Variants in LRRC7 observed in about 807,000 individuals in gnomAD.
The protein encoded by LRRC7 is leucine rich repeat containing 7.
A neutral mutation model predicts 175.7 loss-of-function variants in LRRC7; 23 were observed. The observed-to-expected ratio is 0.13, with a 90% CI of 0.09 to 0.19. The LOEUF is 0.19. Ranked by LOEUF, LRRC7 falls within the 10% of genes least tolerant of loss-of-function variation. LRRC7 has a pLI of 1.00. For synonymous variants in LRRC7, 685 were observed against 680.9 expected, an observed-to-expected ratio of 1.01 and a Z score of -0.09; for missense variants, 1,354 against 1,904.7, an observed-to-expected ratio of 0.71 and a Z score of 5.38.
intron 1 of LRRC7, among the ~76,000 whole-genome samples, chr1:69,619,514 T>C (rs1053234302): frequency 4.6e-5 from 7 of 152,156 alleles, no homozygotes; most frequent in African/African-American, 1.4e-4. Flanking sequence ...AAGGAAAAGC[T>C]CTTGAAAAGT....
At chr1:70,085,545 C>T (rs1325556505) in intron 24 of LRRC7, among the ~76,000 whole-genome samples, 1 of 152,056 alleles carries the variant, frequency 6.6e-6, no homozygotes, top group African/African-American at 2.4e-5. Flanking sequence ...TTGCTGTCCC[C>T]TTTGCTTGGG....
intron 8 of LRRC7, among the ~76,000 whole-genome samples, chr1:69,955,830 A>G (rs1221797476): frequency 1.3e-5 from 2 of 152,000 alleles, no homozygotes; most frequent in Admixed American, 6.6e-5. Flanking sequence ...AATAAATATT[A>G]TAATTTTACT....
At chr1:69,945,804 AT>A (rs1406403543) in intron 8 of LRRC7, among the ~76,000 whole-genome samples, 1 of 152,092 alleles carries the variant, frequency 6.6e-6, no homozygotes, top group Admixed American at 6.6e-5. Flanking sequence ...ATTTTTCTGT[AT>A]AAAAACTCTA....
At chr1:69,608,568 AAG>A (rs1255661391) in intron 1 of LRRC7, among the ~76,000 whole-genome samples, 1 of 152,074 alleles carries the variant, frequency 6.6e-6, no homozygotes, top group Non-Finnish European at 1.5e-5. Context: ...CTTAACAAAA[AAG>A]TACCACAGAC....
chr1:69,647,333 G>A (rs1655147285), intron 1 of LRRC7, among the ~76,000 whole-genome samples: 1 of 152,122 alleles, frequency 6.6e-6, no homozygotes, highest in Non-Finnish European at 1.5e-5. Flanking sequence ...ACAAAAGAAT[G>A]TCTAATTTTC....
At chr1:69,731,505 G>A (rs536299066) in intron 2 of LRRC7, among the ~76,000 whole-genome samples, 1 of 152,294 alleles carries the variant, frequency 6.6e-6, no homozygotes, top group Admixed American at 6.5e-5. Flanking sequence ...CCAAAATGTG[G>A]AAGAAACACA....
intron 8 of LRRC7, among the ~76,000 whole-genome samples, chr1:69,953,688 T>G (rs1207967183): frequency 1.3e-5 from 2 of 152,056 alleles, no homozygotes; most frequent in African/African-American, 4.8e-5. Context: ...ATTAACCAAC[T>G]GCACTAACTA....
chr1:69,819,615 G>GTT (rs1679032914), intron 4 of LRRC7, among the ~76,000 whole-genome samples: 1 of 141,112 alleles, frequency 7.1e-6, no homozygotes, highest in Non-Finnish European at 1.5e-5. Flanking sequence ...GTGTGTGTGT[G>GTT]TATCTGCATA....
chr1:69,736,872 T>C (rs757579095), intron 2 of LRRC7, among the ~76,000 whole-genome samples: 1 of 152,122 alleles, frequency 6.6e-6, no homozygotes, highest in Non-Finnish European at 1.5e-5. Flanking sequence ...TTATTAGCCT[T>C]TGGATTAATG....
At chr1:69,917,775 T>G (rs1034160474) in intron 7 of LRRC7, among the ~76,000 whole-genome samples, 1 of 152,178 alleles carries the variant, frequency 6.6e-6, no homozygotes, top group African/African-American at 2.4e-5. Context: ...CATACTCTAA[T>G]GGGAATTTTT....
chr1:69,921,553 ATCAAG>A (rs1360621560), intron 7 of LRRC7, among the ~76,000 whole-genome samples: 1 of 152,124 alleles, frequency 6.6e-6, no homozygotes, highest in Non-Finnish European at 1.5e-5. Context: ...ATCATCATTA[ATCAAG>A]TCATGTCTTT....
chr1:69,634,197 G>C, intron 1 of LRRC7, among the ~76,000 whole-genome samples: 1 of 151,882 alleles, frequency 6.6e-6, no homozygotes, highest in Admixed American at 6.6e-5. Context: ...TCATTTTACA[G>C]ATATGGAAAC....
intron 2 of LRRC7, among the ~76,000 whole-genome samples, chr1:69,723,660 A>C (rs1475322709): frequency 6.6e-6 from 1 of 152,176 alleles, no homozygotes; most frequent in East Asian, 1.9e-4. Context: ...GGTTGTTATA[A>C]CAAAATGCCA....
chr1:69,832,205 A>G (rs1680606405), intron 5 of LRRC7, among the ~76,000 whole-genome samples: 1 of 152,166 alleles, frequency 6.6e-6, no homozygotes, highest in Admixed American at 6.6e-5. Flanking sequence ...GTAACAGTGT[A>G]AAACACATAC....
At chr1:70,015,947 A>T (rs1407144360) in intron 13 of LRRC7, among the ~76,000 whole-genome samples, 2 of 152,212 alleles carry the variant, frequency 1.3e-5, no homozygotes, top group African/African-American at 2.4e-5. Flanking sequence ...TCACAAAAAT[A>T]AATGTATAAT....
intron 26 of LRRC7, among the ~76,000 whole-genome samples, chr1:70,120,799 C>T (rs940909743): frequency 2.0e-5 from 3 of 151,940 alleles, no homozygotes; most frequent in Admixed American, 6.6e-5. Flanking sequence ...AGTCTCAAAC[C>T]GCAAAGAAAG....
At position 70,055,449 on chromosome 1, in the gene LRRC7, G is replaced by A. The variant is rs182408004; in HGVS notation, c.4230+2304G>A. On this transcript the variant is annotated intron_variant, in intron 23 of 26. Transcript: ENST00000651989. ...TTAGGAAGATTCTATAGTAATTCAG[G>A]TGAAAGTCAATGGAAACAATGGGTG... 2.1e-3 allele frequency among the ~76,000 whole-genome samples: 326 copies of A among 152,278 alleles called. 2 individuals are homozygous for A. The highest frequency in any genetic ancestry group is 3.9e-3 in the Non-Finnish European group (264 of 68,020).
At chr1:69,748,274 A>T (rs1342355465) in intron 2 of LRRC7, among the ~76,000 whole-genome samples, 1 of 152,160 alleles carries the variant, frequency 6.6e-6, no homozygotes, top group Non-Finnish European at 1.5e-5. Context: ...AGCATGAAAT[A>T]ACATTTTAAA....
chr1:69,722,906 T>A (rs1666521558), intron 2 of LRRC7, among the ~76,000 whole-genome samples: 1 of 152,120 alleles, frequency 6.6e-6, no homozygotes, highest in African/African-American at 2.4e-5. Flanking sequence ...ACTCTTTGTA[T>A]GTAATATATA....
Sources: gnomAD v4.1 joint callset for allele counts (sites outside exome capture counted in the v4.1 genomes callset) on GRCh38, gnomAD v4.1.1 for gene constraint, MANE v1.5 for transcripts, NCBI Gene and HGNC (gene_info 2026-07-23, HGNC 2026-07-21) for gene names.